The following ZNF112 variants were observed in gnomAD, a reference collection of about 807,000 sequenced individuals.
ZNF112 encodes the protein zinc finger protein 112 (Y14).
A neutral mutation model predicts 77.7 loss-of-function variants in ZNF112; 37 were observed. The observed-to-expected ratio is 0.48, with a 90% CI of 0.37 to 0.63. The LOEUF (loss-of-function observed/expected upper bound fraction) is 0.63. ZNF112 is among the 20% of genes least tolerant of loss of function. The pLI, the probability that ZNF112 is intolerant of heterozygous loss-of-function variation, is 0.00. For missense variants in ZNF112, 950 were observed against 1,077.4 expected (o/e 0.88, Z 1.66); for synonymous variants, 333 against 363.6 (o/e 0.92, Z 0.96).
intron 1 of ZNF112, among the ~76,000 whole-genome samples, chr19:44,345,162 G>A (rs1166994654): frequency 6.6e-6 from 1 of 152,182 alleles, no homozygotes; most frequent in African/African-American, 2.4e-5. Context: ...ATCTGTGGAA[G>A]AAGAGTTTTT....
chr19:44,348,038 G>A lies in ZNF112; in HGVS notation c.-3-7496C>T, dbSNP rs564791756. 2.0e-5 allele frequency among the ~76,000 whole-genome samples: 3 copies of A among 152,136 alleles called. No individual in the cohort carries two copies. The South Asian group carries it at 6.2e-4, about 32-fold the overall frequency. ...TTTCCAATGTTTTCTGGCCTCCATG[G>A]CTTCCCATGAGAAATCCACGTATAT... is the stretch of plus-strand genomic sequence containing the variant. On this transcript the variant is annotated intron_variant, in intron 1 of 3. Transcript: ENST00000354340.
At position 44,328,680 on chromosome 19, in the gene ZNF112, G is replaced by C; in HGVS notation, c.1477C>G (p.Arg493Gly). The part of the protein sequence containing the change: ...HPKIHIGEKP[R>G]KEHGNGFNWS... ...TTGAAGCCATTCCCATGCTCCTTAC[G>C]TGGTTTCTCTCCAATGTGAATTTTT... The change falls in exon 4 of 4, where the codon CGT (arginine) becomes GGT (glycine). Residue 493 changes from arginine to glycine, a missense_variant. Around this residue, in one of 3 missense-constraint regions of ZNF112, gnomAD observed 560 missense variants for 557.3 expected, o/e 1.00. Transcript: ENST00000354340. The C allele has an allele frequency of 6.2e-6, 10 of 1,614,048 alleles. No individual in the cohort carries two copies. The highest frequency in any genetic ancestry group is 6.8e-6 in the Non-Finnish European group (8 of 1,179,998).
intron 2 of ZNF112, among the ~76,000 whole-genome samples, chr19:44,339,831 T>C (rs997422419): frequency 1.3e-5 from 2 of 152,166 alleles, no homozygotes; most frequent in African/African-American, 4.8e-5. Flanking sequence ...CTGAACTCTG[T>C]ATATACACTG....
Position 44,329,108 on chromosome 19 carries a change from T to C in ZNF112, c.1049A>G (p.Glu350Gly). Reference protein sequence around the residue: ...LNTYELIHTGEMSYRHNIYEK... With the variant: ...LNTYELIHTGGMSYRHNIYEK... ...ATAAATGTTGTGCCTATAGGACATC[T>C]CACCTGTGTGGATAAGTTCATAAGT... The change falls in exon 4 of 4, where the codon GAG becomes GGG. Residue 350 changes from glutamate (E) to glycine (G), a missense_variant. Physicochemically the swap from Glu to Gly is moderately conservative, Grantham distance 98. Coordinates refer to ENST00000354340, the MANE Select transcript of ZNF112 (RefSeq NM_013380.4). 1 of 1,613,948 alleles carries C rather than the reference T, an allele frequency of 6.2e-7. No individual in the cohort carries two copies. Among genetic ancestry groups the C allele is most frequent in the Non-Finnish European group, 8.5e-7 (1 of 1,179,986 alleles).
intron 1 of ZNF112, among the ~76,000 whole-genome samples, chr19:44,349,809 T>G (rs2123202249): frequency 6.6e-6 from 1 of 152,220 alleles, no homozygotes; most frequent in Middle Eastern, 3.4e-3. Context: ...ATTAGTAGAC[T>G]TTGGGCAAGA....
intron 2 of ZNF112, among the ~76,000 whole-genome samples, chr19:44,337,840 TACAC>T (rs71171235): frequency 0.046 from 2,204 of 47,408 alleles, 24 homozygotes; most frequent in Non-Finnish European, 0.057. Flanking sequence ...TACATACACA[TACAC>T]ACACACACAC....
chr19:44,353,398 T>C (rs191381930), intron 1 of ZNF112, among the ~76,000 whole-genome samples: 258 of 152,194 alleles, frequency 1.7e-3, no homozygotes, highest in Non-Finnish European at 2.4e-3. Context: ...AAATTAGATG[T>C]AATTAAAATT....
chr19:44,327,973 T>C lies in ZNF112; in HGVS notation c.2184A>G (p.Ala728=). ...EVCGKGFSQR[A]YLQGHQRVHT... ...GGACTCTCTGATGACCTTGAAGATATGCTCTCTGACTGAAGCCCTTTCCAC... is the reference window on the plus strand; with the variant it reads ...GGACTCTCTGATGACCTTGAAGATACGCTCTCTGACTGAAGCCCTTTCCAC... The change falls in exon 4 of 4, where the codon GCA becomes GCG. Residue 728 remains alanine (A), a synonymous_variant. Coordinates refer to ENST00000354340, the MANE Select transcript of ZNF112 (RefSeq NM_013380.4). 2 of 1,613,932 alleles carry C rather than the reference T, an allele frequency of 1.2e-6. No individual in the cohort carries two copies. Among genetic ancestry groups the C allele is most frequent in the Non-Finnish European group, 1.7e-6 (2 of 1,179,972 alleles).
chr19:44,350,037 C>A (rs1009973451), intron 1 of ZNF112, among the ~76,000 whole-genome samples: 3 of 151,946 alleles, frequency 2.0e-5, no homozygotes, highest in Admixed American at 6.6e-5. Flanking sequence ...GAAAATATTA[C>A]CAAAGAAGGT....
At chr19:44,331,165 C>T (rs1261736961) in intron 3 of ZNF112, among the ~76,000 whole-genome samples, 2 of 152,144 alleles carry the variant, frequency 1.3e-5, no homozygotes, top group African/African-American at 2.4e-5. Context: ...AAAGATATTT[C>T]ACAATTATCA....
chr19:44,349,045 T>C (rs934321175), intron 1 of ZNF112, among the ~76,000 whole-genome samples: 6 of 152,156 alleles, frequency 3.9e-5, no homozygotes, highest in African/African-American at 1.4e-4. Context: ...TATTTTGTGA[T>C]GTGACAATTA....
intron 1 of ZNF112, among the ~76,000 whole-genome samples, chr19:44,350,033 A>G (rs1446669119): frequency 6.6e-6 from 1 of 152,104 alleles, no homozygotes; most frequent in Non-Finnish European, 1.5e-5. Flanking sequence ...AGGTGAAAAT[A>G]TTACCAAAGA....
intron 1 of ZNF112, among the ~76,000 whole-genome samples, chr19:44,366,027 C>T (rs1480993687): frequency 3.3e-5 from 5 of 152,126 alleles, no homozygotes; most frequent in Non-Finnish European, 5.9e-5. Context: ...TATGTATACA[C>T]TGTAGTGAAC....
At chr19:44,354,769 A>C (rs1309944859) in intron 1 of ZNF112, among the ~76,000 whole-genome samples, 1 of 152,180 alleles carries the variant, frequency 6.6e-6, no homozygotes, top group Non-Finnish European at 1.5e-5. Context: ...ATGGATTTAG[A>C]TAAAGAGAAA....
rs770004301 is a variant in ZNF112 at position 44,328,134 on chromosome 19, A to C, written c.2023T>G (p.Leu675Val). 3 of 1,613,498 alleles carry C rather than the reference A, an allele frequency of 1.9e-6. No homozygotes were observed. In the Admixed American group the frequency reaches 5.0e-5, roughly 27 times the overall value. ...CCCGTGTGGACCCTCTGATGGGCCA[A>C]AAGTGTTGAGGCCTTACTGAAGCCT... ...GKGFSKASTL[L>V]AHQRVHTGEK... Residue 675 changes from leucine to valine, a missense_variant, in exon 4 of 4, where the codon TTG becomes GTG. Leu to Val is a conservative substitution (Grantham distance 32, BLOSUM62 1). Around this residue, in one of 3 missense-constraint regions of ZNF112, gnomAD observed 373 missense variants for 482.8 expected, o/e 0.77. Transcript: ENST00000354340.
chr19:44,346,568 T>C (rs1970593745), intron 1 of ZNF112, among the ~76,000 whole-genome samples: 1 of 152,174 alleles, frequency 6.6e-6, no homozygotes, highest in South Asian at 2.1e-4. Flanking sequence ...CCACCAAAAC[T>C]GATCAGAGAT....
chr19:44,333,005 A>G (rs1970297911), intron 3 of ZNF112, among the ~76,000 whole-genome samples: 1 of 152,238 alleles, frequency 6.6e-6, no homozygotes. Flanking sequence ...TGTTAAGTTT[A>G]TAAATGAACT....
upstream of ZNF112, among the ~76,000 whole-genome samples, chr19:44,357,330 G>C (rs1208915718): frequency 6.6e-6 from 1 of 152,040 alleles, no homozygotes; most frequent in Non-Finnish European, 1.5e-5. Flanking sequence ...AATACAGGAA[G>C]AAAAAAGAAA....
At chr19:44,333,535 A>T (rs2123152409) in intron 3 of ZNF112, among the ~76,000 whole-genome samples, 2 of 152,190 alleles carry the variant, frequency 1.3e-5, no homozygotes, top group East Asian at 3.8e-4. Context: ...TGATTGGATC[A>T]TGGGGGTGCT....
Sources: gnomAD v4.1 joint callset for allele counts (sites outside exome capture counted in the v4.1 genomes callset) on GRCh38, gnomAD v4.1.1 for gene constraint, gnomAD v4.1.1 regional missense constraint, MANE v1.5 for transcripts, NCBI Gene and HGNC (gene_info 2026-07-23, HGNC 2026-07-21) for gene names.